Variants in HEATR4 observed in about 807,000 individuals in gnomAD.
The protein encoded by HEATR4 is HEAT repeat containing 4, also known as HEAT repeat-containing protein 4.
A neutral mutation model predicts 108.8 loss-of-function variants in HEATR4; 95 were observed. That is an observed-to-expected ratio of 0.87 (90% CI 0.74 to 1.04). The LOEUF (loss-of-function observed/expected upper bound fraction) is 1.04, where lower values mean the gene tolerates loss of function less well. HEATR4 is among the 50% of genes least tolerant of loss of function. HEATR4 has a pLI of 0.00. For synonymous variants in HEATR4, 443 were observed against 459.4 expected, an observed-to-expected ratio of 0.96 and a Z score of 0.46; for missense variants, 1,152 against 1,253.8, an observed-to-expected ratio of 0.92 and a Z score of 1.23.
chr14:73,558,519 T>A, intron 1 of HEATR4, among the ~76,000 whole-genome samples: 1 of 132,692 alleles, frequency 7.5e-6, no homozygotes, highest in Non-Finnish European at 1.6e-5. Flanking sequence ...TTAAATTTTT[T>A]TTTTTTTTTT....
chr14:73,490,880 A>C lies in HEATR4; in HGVS notation c.2844+2186T>G, dbSNP rs536794414. 88 of 903,012 alleles carry C rather than the reference A, an allele frequency of 9.7e-5. No homozygotes were observed. The East Asian group carries it at 2.0e-3, about 21-fold the overall frequency. The allele number at this position is 903,012 out of a possible 1,614,324, so 55.9% of individuals were successfully genotyped here. A position where few individuals can be genotyped will look rare whatever the true frequency, so the allele number is the denominator to read the frequency against. ...AAGAGAGCGGGAGGGGCCGAATAGA[A>C]GAATGATGGGCGTGGCCAACCCCGA... On this transcript the variant is annotated intron_variant, in intron 17 of 17. Coordinates refer to ENST00000553558, the MANE Select transcript of HEATR4 (RefSeq NM_001220484.1).
chr14:73,618,167 C>T, the HEATR4 span, among the ~76,000 whole-genome samples: 1 of 151,916 alleles, frequency 6.6e-6, no homozygotes, highest in Non-Finnish European at 1.5e-5. Flanking sequence ...ACAACAACAA[C>T]GACAACAAAT....
At chr14:73,496,450 A>C in intron 15 of HEATR4, 151 bp downstream of exon 15, 1 of 590,556 alleles carries the variant, frequency 1.7e-6, no homozygotes, top group Non-Finnish European at 3.0e-6. Flanking sequence ...GATGCTTTGC[A>C]TCTTCAAATG....
At chr14:73,600,222 C>T in the HEATR4 span, among the ~76,000 whole-genome samples, 1 of 152,096 alleles carries the variant, frequency 6.6e-6, no homozygotes, top group Non-Finnish European at 1.5e-5. Flanking sequence ...GAACACGCTG[C>T]CAATTCCTTC....
chr14:73,490,614 C>T (rs1475366097), intron 17 of HEATR4, among the ~76,000 whole-genome samples: 1 of 152,134 alleles, frequency 6.6e-6, no homozygotes, highest in Non-Finnish European at 1.5e-5. Context: ...GCCACCGCGC[C>T]CGGCCAATTT....
At chr14:73,569,876 G>T in the HEATR4 span, 4 of 1,603,726 alleles carry the variant, frequency 2.5e-6, no homozygotes, top group Admixed American at 6.8e-5. Flanking sequence ...CGCTCTTCCT[G>T]CCGCCAGGTG....
intron 5 of HEATR4, among the ~76,000 whole-genome samples, chr14:73,518,672 C>T (rs777158374): frequency 6.6e-6 from 1 of 152,052 alleles, no homozygotes; most frequent in African/African-American, 2.4e-5. Context: ...GGGAAAAGGG[C>T]AGAATGCTGG....
the HEATR4 span, among the ~76,000 whole-genome samples, chr14:73,579,694 C>G: frequency 6.6e-6 from 1 of 151,406 alleles, no homozygotes; most frequent in African/African-American, 2.4e-5. Flanking sequence ...GCTGGGATTA[C>G]AGGCATACAC....
At chr14:73,609,471 G>C in the HEATR4 span, among the ~76,000 whole-genome samples, 1 of 152,068 alleles carries the variant, frequency 6.6e-6, no homozygotes, top group African/African-American at 2.4e-5. Flanking sequence ...GGTCGTGGCT[G>C]ATTCTAGGTT....
At position 73,547,579 on chromosome 14, in the gene HEATR4, A is replaced by G. The variant is rs752387718; in HGVS notation, c.-152+11172T>C. On this transcript the variant is annotated intron_variant, in intron 1 of 17. Transcript: ENST00000553558. ...AAGTCCAATCGGCATGGTTTTTAAA[A>G]GCATATTTAAAGTGTATAACATGGA... 1.2e-3 allele frequency among the ~76,000 whole-genome samples: 135 copies of G among 115,240 alleles called. 39 individuals are homozygous for G. Among genetic ancestry groups the G allele is most frequent in the Middle Eastern group, 4.8e-3 (1 of 210 alleles). 75.6% of individuals were successfully genotyped at this position (115,240 alleles called of 152,430 possible). A position where few individuals can be genotyped will look rare whatever the true frequency, so the allele number is the denominator to read the frequency against.
chr14:73,600,732 T>C, the HEATR4 span, among the ~76,000 whole-genome samples: 1 of 152,038 alleles, frequency 6.6e-6, no homozygotes, highest in Non-Finnish European at 1.5e-5. Flanking sequence ...ATTACAGGCA[T>C]GAGCCACCAC....
rs766021358 is a variant in HEATR4 at position 73,508,135 on chromosome 14, G to C, written c.1880C>G (p.Thr627Arg). The change falls in exon 9 of 18, where the codon ACA becomes AGA. Residue 627 changes from threonine (T) to arginine (R), a missense_variant and splice_region_variant. Thr to Arg is a moderately conservative substitution (Grantham distance 71). Transcript: ENST00000553558. ...TCTGACCCGGTAATGGACACATACT[G>C]TCTTCTCACTCAGATAGCTCAGGAG... is the stretch of plus-strand genomic sequence containing the variant. ...YILLSYLSEK[T>R]TLIHTMLAVE... is the part of the protein sequence containing the mutation. The C allele has an allele frequency of 1.2e-6, 2 of 1,613,814 alleles. No homozygotes were observed. The highest frequency in any genetic ancestry group is 3.3e-5 in the Admixed American group (2 of 60,014).
At chr14:73,611,522 A>G in the HEATR4 span, 3 of 152,198 alleles carry the variant, frequency 2.0e-5, no homozygotes, top group African/African-American at 7.2e-5. Context: ...ACAGGCTGAG[A>G]GTGCCACTTG....
chr14:73,590,757 C>G, the HEATR4 span, among the ~76,000 whole-genome samples: 982 of 151,622 alleles, frequency 6.5e-3, 13 homozygotes, highest in African/African-American at 0.023. Flanking sequence ...CACGCCCACC[C>G]GGGACTCGCG....
the HEATR4 span, among the ~76,000 whole-genome samples, chr14:73,602,739 A>G: frequency 2.0e-5 from 3 of 152,222 alleles, no homozygotes; most frequent in African/African-American, 7.2e-5. Context: ...ATATATTAAT[A>G]TCATTCACTA....
chr14:73,521,108 C>G (rs928101526), intron 3 of HEATR4, 69 bp from the exon 4 acceptor site: 94 of 1,351,966 alleles, frequency 7.0e-5, no homozygotes, highest in Non-Finnish European at 9.3e-5. Flanking sequence ...TCCATTAAAT[C>G]CACAGCTCGT....
At chr14:73,574,263 A>AT in the HEATR4 span, 1,060 of 107,506 alleles carry the variant, frequency 9.9e-3, 12 homozygotes, top group African/African-American at 0.031. Context: ...AAATTCCAGT[A>AT]TTTTTTTTTT....
chr14:73,493,552 T>A (rs1009450055), intron 16 of HEATR4, among the ~76,000 whole-genome samples: 2 of 152,006 alleles, frequency 1.3e-5, no homozygotes, highest in Non-Finnish European at 2.9e-5. Context: ...AGGAAGAGAC[T>A]CTCAGGCTGG....
At chr14:73,615,780 A>T in the HEATR4 span, among the ~76,000 whole-genome samples, 3 of 152,122 alleles carry the variant, frequency 2.0e-5, no homozygotes, top group African/African-American at 7.2e-5. Context: ...GGCTGAGTGC[A>T]GTGGCTCGCA....
Sources: gnomAD v4.1 joint callset for allele counts (sites outside exome capture counted in the v4.1 genomes callset) on GRCh38, gnomAD v4.1.1 for gene constraint, MANE v1.5 for transcripts, NCBI Gene and HGNC (gene_info 2026-07-23, HGNC 2026-07-21) for gene names.